RORC: variants seen among roughly 807,000 people sequenced by gnomAD.
RORC encodes the protein RAR related orphan receptor C, also known as nuclear receptor ROR-gamma.
Under a neutral mutation model 64.5 loss-of-function variants are expected in RORC, and 13 were observed. That is an observed-to-expected ratio of 0.20 (90% CI 0.13 to 0.32). The LOEUF (loss-of-function observed/expected upper bound fraction) is 0.32. Ranked by LOEUF, RORC falls within the 10% of genes least tolerant of loss-of-function variation. RORC has a pLI of 1.00. For synonymous variants in RORC, 277 were observed against 259.3 expected (o/e 1.07, Z -0.65); for missense variants, 468 against 669.5 (o/e 0.70, Z 3.32).
At position 151,822,975 on chromosome 1, in the gene RORC, G is replaced by C. The variant is rs547556265; in HGVS notation, c.71-5695C>G. ...GTTAGTTTGAGTCAGCAGCACAGCG[G>C]CAGGGGATGGGGAGGAGCCCTTGGT... On this transcript the variant is annotated intron_variant, in intron 2 of 10. Coordinates refer to ENST00000318247, the MANE Select transcript of RORC (RefSeq NM_005060.4). Among the ~76,000 whole-genome samples the C allele has an allele frequency of 7.2e-5, 11 of 152,336 alleles. No individual in the cohort carries two copies. The South Asian group carries it at 2.3e-3, about 32-fold the overall frequency.
At chr1:151,828,207 T>C (rs575762345) in intron 2 of RORC, among the ~76,000 whole-genome samples, 1 of 152,226 alleles carries the variant, frequency 6.6e-6, no homozygotes, top group Admixed American at 6.5e-5. Context: ...CTAGACAATT[T>C]TGGCATTGGG....
chr1:151,826,124 G>A (rs1652187140), intron 2 of RORC: 3 of 1,294,152 alleles, frequency 2.3e-6, no homozygotes, highest in Non-Finnish European at 2.9e-6. Flanking sequence ...CACCACACAG[G>A]TGGCCAAGTG....
intron 2 of RORC, among the ~76,000 whole-genome samples, chr1:151,825,385 G>A (rs906359141): frequency 6.6e-6 from 1 of 152,188 alleles, no homozygotes; most frequent in Non-Finnish European, 1.5e-5. Context: ...AAGCCTGGTG[G>A]CTTTGAGGCC....
chr1:151,818,003 A>G (rs1298151506), intron 2 of RORC, among the ~76,000 whole-genome samples: 1 of 152,244 alleles, frequency 6.6e-6, no homozygotes, highest in Non-Finnish European at 1.5e-5. Context: ...ATGTTTGTAC[A>G]AAGGCATCTG....
At chr1:151,819,164 G>C (rs1045384832) in intron 2 of RORC, among the ~76,000 whole-genome samples, 5 of 152,204 alleles carry the variant, frequency 3.3e-5, no homozygotes, top group African/African-American at 1.2e-4. Flanking sequence ...ATACATGGAG[G>C]GGAAGAGAGA....
rs1423268860 is a variant in RORC at position 151,830,345 on chromosome 1, C to A, written c.41-887G>T. Among the ~76,000 whole-genome samples, 2 of 151,654 alleles carry A rather than the reference C, an allele frequency of 1.3e-5. No homozygotes were observed. The highest frequency in any genetic ancestry group is 2.9e-5 in the Non-Finnish European group (2 of 67,898). ...GGGGGAGCAGCCGTTGAGGGGAGGG[C>A]CTTAGCTGGAGCATGGTTGGTGGGT... On this transcript the variant is annotated intron_variant, in intron 1 of 10. Transcript: ENST00000318247. This position sits in a 1 kb window ranked among gnomAD's most constrained non-coding sequence, Gnocchi z 4.0.
chr1:151,810,129 C>A (rs1465435837), intron 10 of RORC, among the ~76,000 whole-genome samples: 1 of 152,050 alleles, frequency 6.6e-6, no homozygotes, highest in Non-Finnish European at 1.5e-5. Flanking sequence ...TTCATTGTAC[C>A]CTAGTCCCAC....
At position 151,807,456 on chromosome 1, in the gene RORC, G is replaced by A; in HGVS notation, c.*16C>T. The stretch of plus-strand genomic sequence containing the variant: ...CCAGCAGGCCATAGGGAGAGGCAAG[G>A]AGTCCCTCTTCCAGGTCACTTGGAC... On this transcript the variant is annotated 3_prime_UTR_variant, in exon 11 of 11. Coordinates refer to ENST00000318247, the MANE Select transcript of RORC (RefSeq NM_005060.4). The surrounding 1 kb of genome is among the most constrained non-coding windows in gnomAD (Gnocchi z 5.0). The A allele has an allele frequency of 1.9e-6, 3 of 1,613,072 alleles. No homozygotes were observed. The highest frequency in any genetic ancestry group is 1.1e-5 in the South Asian group (1 of 91,032).
At position 151,826,014 on chromosome 1, in the gene RORC, C is replaced by T. The variant is rs185755543; in HGVS notation, c.70+3415G>A. On this transcript the variant is annotated intron_variant, in intron 2 of 10. Coordinates refer to ENST00000318247, the MANE Select transcript of RORC (RefSeq NM_005060.4). ...TGGTCCAGGAGTGGGGTGCAGCTGG[C>T]GGCAGAGGCGGGGCGAGGCCCTCTC... 2.6e-4 allele frequency: 423 copies of T among 1,603,430 alleles called. 3 individuals are homozygous for T. In the East Asian group the frequency reaches 9.1e-3, roughly 34 times the overall value.
intron 10 of RORC, among the ~76,000 whole-genome samples, chr1:151,808,581 C>CT (rs1363239750): frequency 3.9e-5 from 6 of 152,114 alleles, no homozygotes; most frequent in East Asian, 1.9e-4. Flanking sequence ...TTATTCTGAG[C>CT]TTTTTTGGGC....
intron 10 of RORC, among the ~76,000 whole-genome samples, chr1:151,808,359 C>T (rs867638140): frequency 6.6e-5 from 10 of 152,224 alleles, no homozygotes; most frequent in South Asian, 2.1e-4. Context: ...AGTGAGCAGA[C>T]GGAGGCAGGG....
intron 2 of RORC, among the ~76,000 whole-genome samples, chr1:151,821,318 C>T (rs1432506855): frequency 6.6e-6 from 1 of 152,184 alleles, no homozygotes; most frequent in East Asian, 1.9e-4. Context: ...CCCCCACCAT[C>T]ATGGTAGAGA....
At chr1:151,825,759 C>G (rs1330016024) in intron 2 of RORC, among the ~76,000 whole-genome samples, 1 of 152,152 alleles carries the variant, frequency 6.6e-6, no homozygotes, top group East Asian at 1.9e-4. Context: ...AGCCGCCTGG[C>G]CAGCAGGACT....
Position 151,807,637 on chromosome 1 carries a change from G to T in RORC, c.1396-4C>A. The T allele has an allele frequency of 1.2e-6, 2 of 1,614,048 alleles. No individual in the cohort carries two copies. The highest frequency in any genetic ancestry group is 1.7e-6 in the Non-Finnish European group (2 of 1,179,950). On this transcript the variant is annotated splice_region_variant and splice_polypyrimidine_tract_variant and intron_variant, in intron 10 of 10. Transcript: ENST00000318247. The surrounding 1 kb of genome is among the most constrained non-coding windows in gnomAD (Gnocchi z 5.0). ...GAAGCTTCCCCTTGGGTGGCAGCTG[G>T]ATATGGGTTAATGGGGAAGGGAGGG... is the stretch of plus-strand genomic sequence containing the variant.
chr1:151,821,402 C>A (rs996486261), intron 2 of RORC, among the ~76,000 whole-genome samples: 8 of 152,208 alleles, frequency 5.3e-5, no homozygotes, highest in South Asian at 4.1e-4. Context: ...TGGGCCTTTT[C>A]CTCTCCTCTT....
At chr1:151,824,551 C>G (rs1038522931) in intron 2 of RORC, among the ~76,000 whole-genome samples, 1 of 152,202 alleles carries the variant, frequency 6.6e-6, no homozygotes, top group African/African-American at 2.4e-5. Context: ...TTCTCTCCAG[C>G]CCTCCTTATC....
chr1:151,825,207 C>T (rs754715579), intron 2 of RORC, among the ~76,000 whole-genome samples: 1 of 152,154 alleles, frequency 6.6e-6, no homozygotes, highest in Non-Finnish European at 1.5e-5. Context: ...ATCTCCATTG[C>T]CTTGCTTCCC....
intron 2 of RORC, among the ~76,000 whole-genome samples, chr1:151,820,306 C>G (rs142580622): frequency 0.013 from 1,964 of 152,208 alleles, 32 homozygotes; most frequent in African/African-American, 0.041. Context: ...GAAAACACCT[C>G]TGATGATAAC....
Position 151,813,305 on chromosome 1 carries a change from T to C in RORC, c.1108A>G (p.Asn370Asp), listed in dbSNP as rs780270217. 6.2e-7 allele frequency: 1 copy of C among 1,614,122 alleles called. No individual in the cohort carries two copies. Among genetic ancestry groups the C allele is most frequent in the Non-Finnish European group, 8.5e-7 (1 of 1,180,002 alleles). The change falls in exon 8 of 11, where the codon AAT (asparagine) becomes GAT (aspartate). Residue 370 changes from asparagine to aspartate, a missense_variant. Asn to Asp is a conservative substitution (Grantham distance 23). This residue lies in a region of RORC where 100 missense variants were observed against 190.8 expected (regional missense o/e 0.52). Transcript: ENST00000318247. ...VVLVRMCRAYNADNRTVFFEG... is the reference protein window; with the variant it reads ...VVLVRMCRAYDADNRTVFFEG... Reference sequence around the variant, plus strand: ...AAAAAGACCGTGCGGTTGTCAGCATTGTAGGCCCGGCACATCCTAACCAGC... The same window carrying C: ...AAAAAGACCGTGCGGTTGTCAGCATCGTAGGCCCGGCACATCCTAACCAGC...
Sources: gnomAD v4.1 joint callset for allele counts (sites outside exome capture counted in the v4.1 genomes callset) on GRCh38, gnomAD v4.1.1 for gene constraint, gnomAD v4.1.1 regional missense constraint, Gnocchi (gnomAD v3.1) non-coding constraint, MANE v1.5 for transcripts, NCBI Gene and HGNC (gene_info 2026-07-23, HGNC 2026-07-21) for gene names.